SNRNP40: variants seen among roughly 807,000 people sequenced by gnomAD.
SNRNP40 encodes U5 small nuclear ribonucleoprotein 40 kDa protein.
A neutral mutation model predicts 45.8 loss-of-function variants in SNRNP40; 21 were observed. The ratio of observed to expected loss-of-function variants is 0.46; its 90% CI spans 0.32 to 0.66. The LOEUF (loss-of-function observed/expected upper bound fraction) is 0.66, where lower values mean the gene tolerates loss of function less well. Among genes scored for constraint, SNRNP40 ranks in the 30% least tolerant of loss-of-function variants. The pLI is 0.03. For missense variants in SNRNP40, 344 were observed against 439.1 expected, an observed-to-expected ratio of 0.78 and a Z score of 1.94; for synonymous variants, 142 against 163.8, an observed-to-expected ratio of 0.87 and a Z score of 1.01.
At chr1:31,292,266 G>A (rs1295278484) in intron 2 of SNRNP40, among the ~76,000 whole-genome samples, 1 of 152,148 alleles carries the variant, frequency 6.6e-6, no homozygotes, top group Non-Finnish European at 1.5e-5. Context: ...GGAGACTGAG[G>A]CAGGAGAATC....
intron 5 of SNRNP40, among the ~76,000 whole-genome samples, chr1:31,278,844 G>C (rs766844261): frequency 2.0e-5 from 3 of 152,134 alleles, no homozygotes; most frequent in Non-Finnish European, 4.4e-5. Context: ...CTTGGGGAAT[G>C]TACACAGCGA....
At chr1:31,266,280 C>T (rs555118079) in intron 8 of SNRNP40, among the ~76,000 whole-genome samples, 1 of 152,236 alleles carries the variant, frequency 6.6e-6, no homozygotes, top group Non-Finnish European at 1.5e-5. Context: ...CCCTGGCTAG[C>T]CCAAGAAAGT....
intron 5 of SNRNP40, among the ~76,000 whole-genome samples, chr1:31,272,934 T>A (rs1358552199): frequency 1.3e-5 from 2 of 152,214 alleles, no homozygotes; most frequent in African/African-American, 2.4e-5. Flanking sequence ...CATATTGCAA[T>A]GTAGTTTTTT....
At chr1:31,260,845 A>G (rs554299506) in intron 9 of SNRNP40, 28 of 483,900 alleles carry the variant, frequency 5.8e-5, no homozygotes, top group African/African-American at 5.2e-4. Context: ...CCTGGGCGAC[A>G]AGAGTGAGAC....
At chr1:31,269,924 T>C (rs1645925124) in intron 6 of SNRNP40, among the ~76,000 whole-genome samples, 1 of 152,196 alleles carries the variant, frequency 6.6e-6, no homozygotes, top group African/African-American at 2.4e-5. Flanking sequence ...ATGATTGAGA[T>C]GGAGTTTCGC....
intron 4 of SNRNP40, among the ~76,000 whole-genome samples, chr1:31,287,287 G>A (rs766398034): frequency 2.6e-5 from 4 of 151,972 alleles, no homozygotes; most frequent in Non-Finnish European, 5.9e-5. Flanking sequence ...ATAGGAGCTG[G>A]TTAAAAAGCA....
At position 31,291,805 on chromosome 1, in the gene SNRNP40, C is replaced by T. The variant is rs543882235; in HGVS notation, c.365+108G>A. 9 of 741,692 alleles carry T rather than the reference C, an allele frequency of 1.2e-5. No homozygotes were observed. The East Asian group carries it at 1.3e-4, about 11-fold the overall frequency. 45.9% of individuals were successfully genotyped at this position (741,692 alleles called of 1,614,324 possible). A position where few individuals can be genotyped will look rare whatever the true frequency, so the allele number is the denominator to read the frequency against. ...ATAAATCGGATACTAAAGTAGCTAC[C>T]CAAAATTAGTAGTTTTTGATAGCAG... On this transcript the variant is annotated intron_variant, in intron 3 of 9. Coordinates refer to ENST00000263694, the MANE Select transcript of SNRNP40 (RefSeq NM_004814.3).
In SNRNP40 at chr1:31,259,763, A is replaced by C. The variant is rs764960760; in HGVS notation, c.*309T>G. 23 of 523,770 alleles carry C rather than the reference A, an allele frequency of 4.4e-5. No individual in the cohort carries two copies. Among genetic ancestry groups the C allele is most frequent in the Admixed American group, 1.0e-4 (4 of 38,466 alleles). The allele number at this position is 523,770 out of a possible 1,614,324, so 32.4% of individuals were successfully genotyped here. ...ATCATACAAGCCAGTTACAAAAAAA[A>C]AAAAAAAATCCCAACCAACAAATTT... On this transcript the variant is annotated 3_prime_UTR_variant, in exon 10 of 10. Transcript: ENST00000263694.
At chr1:31,280,968 A>G (rs1646012650) in intron 5 of SNRNP40, among the ~76,000 whole-genome samples, 1 of 152,188 alleles carries the variant, frequency 6.6e-6, no homozygotes, top group Non-Finnish European at 1.5e-5. Flanking sequence ...TTCTTAGAGA[A>G]ACTTAGAAAA....
intron 8 of SNRNP40, chr1:31,263,675 A>G: frequency 2.3e-6 from 1 of 441,358 alleles, no homozygotes; most frequent in South Asian, 1.7e-5. Flanking sequence ...TGTATAACTG[A>G]TATGATATGG....
rs1247103974 is a variant in SNRNP40, at chr1:31,261,520, C to A, written c.1024+9G>T. 1.3e-6 allele frequency: 2 copies of A among 1,590,060 alleles called. No homozygotes were observed. Among genetic ancestry groups the A allele is most frequent in the Non-Finnish European group, 1.7e-6 (2 of 1,158,368 alleles). ...AGTTTCCCTTTCCCCCTCGTTGGGA[C>A]AGACTTACTGATGGGCTCATCAGGG... On this transcript the variant is annotated intron_variant, in intron 9 of 9. Transcript: ENST00000263694.
intron 4 of SNRNP40, among the ~76,000 whole-genome samples, chr1:31,284,214 A>G (rs926572282): frequency 9.9e-5 from 15 of 152,220 alleles, no homozygotes; most frequent in Non-Finnish European, 2.1e-4. Context: ...GAGTGGCGGC[A>G]TCTCGGCTCA....
At chr1:31,267,362 T>A (rs1645904440) in intron 8 of SNRNP40, among the ~76,000 whole-genome samples, 1 of 152,108 alleles carries the variant, frequency 6.6e-6, no homozygotes, top group South Asian at 2.1e-4. Flanking sequence ...ATCCTCTAGG[T>A]CTAAAATGTC....
chr1:31,271,075 C>A (rs773712563), intron 6 of SNRNP40: 4 of 212,056 alleles, frequency 1.9e-5, no homozygotes, highest in Non-Finnish European at 2.8e-5. Flanking sequence ...ACATCTTTTT[C>A]ATTAAACTCA....
intron 5 of SNRNP40, among the ~76,000 whole-genome samples, chr1:31,275,895 T>C (rs531938050): frequency 5.9e-5 from 9 of 152,290 alleles, no homozygotes; most frequent in African/African-American, 1.7e-4. Context: ...CTTATACTTA[T>C]TAAAACACAT....
Position 31,260,058 on chromosome 1 carries a change from T to C in SNRNP40, c.*14A>G. The stretch of plus-strand genomic sequence containing the variant: ...TCAAAGACAAGCGGCCTTGGAGTCT[T>C]CCAGTCCATATCTTCACTGAATCTC... On this transcript the variant is annotated 3_prime_UTR_variant, in exon 10 of 10. Coordinates refer to ENST00000263694, the MANE Select transcript of SNRNP40 (RefSeq NM_004814.3). The C allele has an allele frequency of 6.2e-7, 1 of 1,601,946 alleles. No homozygotes were observed.
At chr1:31,283,447 AC>A (rs1646034382) in intron 4 of SNRNP40, among the ~76,000 whole-genome samples, 1 of 152,170 alleles carries the variant, frequency 6.6e-6, no homozygotes, top group Non-Finnish European at 1.5e-5. Context: ...TACTAAAAAT[AC>A]AAAAATTAGC....
At chr1:31,294,769 G>A (rs901344859) in intron 1 of SNRNP40, among the ~76,000 whole-genome samples, 1 of 151,788 alleles carries the variant, frequency 6.6e-6, no homozygotes, top group East Asian at 1.9e-4. Context: ...GTGAAACTCC[G>A]TCTCTACTAA....
intron 7 of SNRNP40, 122 bp downstream of exon 7, chr1:31,269,036 G>C (rs533226217): frequency 2.3e-6 from 2 of 864,498 alleles, no homozygotes; most frequent in African/African-American, 3.5e-5. Flanking sequence ...TTTTAATTAA[G>C]AGCAGTGTTA....
Sources: gnomAD v4.1 joint callset for allele counts (sites outside exome capture counted in the v4.1 genomes callset) on GRCh38, gnomAD v4.1.1 for gene constraint, MANE v1.5 for transcripts, NCBI Gene and HGNC (gene_info 2026-07-23, HGNC 2026-07-21) for gene names.